ITGBL1: variants seen among roughly 807,000 people sequenced by gnomAD.
The protein encoded by ITGBL1 is integrin subunit beta like 1.
ITGBL1 carries 51 observed loss-of-function variants against 68.5 expected under a neutral mutation model. The ratio of observed to expected loss-of-function variants is 0.74; its 90% CI spans 0.59 to 0.94. The LOEUF is 0.94. Among genes scored for constraint, ITGBL1 ranks in the 40% least tolerant of loss-of-function variants. The probability of loss-of-function intolerance (pLI) is 0.00; values close to 1 mark genes in which losing one functional copy is unlikely to be tolerated. For missense variants in ITGBL1, 649 were observed against 647.4 expected (o/e 1.00, Z -0.03); for synonymous variants, 209 against 227.3 (o/e 0.92, Z 0.72).
intron 6 of ITGBL1, 57 bp from the exon 7 acceptor site, chr13:101,598,096 A>T: frequency 2.2e-5 from 30 of 1,379,722 alleles, no homozygotes; most frequent in Non-Finnish European, 2.8e-5. Flanking sequence ...ATGAAAACTA[A>T]TTCCAACTTC....
At chr13:101,485,777 G>A (rs560616210) in intron 2 of ITGBL1, among the ~76,000 whole-genome samples, 33 of 152,102 alleles carry the variant, frequency 2.2e-4, no homozygotes, top group African/African-American at 5.1e-4. Context: ...GGTCAACAGC[G>A]CGAGACTCTG....
chr13:101,632,181 C>A (rs775357821), intron 7 of ITGBL1, among the ~76,000 whole-genome samples: 3 of 151,538 alleles, frequency 2.0e-5, no homozygotes, highest in African/African-American at 7.3e-5. Context: ...ATAAGCTATA[C>A]CTAAAATATA....
intron 3 of ITGBL1, among the ~76,000 whole-genome samples, chr13:101,570,550 G>A (rs2050255624): frequency 6.6e-6 from 1 of 152,134 alleles, no homozygotes; most frequent in Admixed American, 6.6e-5. Context: ...GTAGATTGAA[G>A]CATAATACAA....
chr13:101,562,434 A>G (rs1174927203), intron 2 of ITGBL1, among the ~76,000 whole-genome samples: 1 of 152,026 alleles, frequency 6.6e-6, no homozygotes, highest in Non-Finnish European at 1.5e-5. Context: ...CGACTAATCT[A>G]TAAGAAATGA....
intron 3 of ITGBL1, among the ~76,000 whole-genome samples, chr13:101,572,047 T>A (rs1446955025): frequency 6.6e-6 from 1 of 152,156 alleles, no homozygotes; most frequent in Non-Finnish European, 1.5e-5. Flanking sequence ...AAAAGATACA[T>A]TTATATTCAG....
At position 101,457,735 on chromosome 13, in the gene ITGBL1, G is replaced by C. The variant is rs537243674; in HGVS notation, c.316+3635G>C. On this transcript the variant is annotated intron_variant, in intron 2 of 10. Coordinates refer to ENST00000376180, the MANE Select transcript of ITGBL1 (RefSeq NM_004791.3). ...GGAGGCTGAGGCAGGAGAATTGCTT[G>C]AACCCAGGAGGCAGAGGTTGCAGTG... 2.4e-4 allele frequency among the ~76,000 whole-genome samples: 36 copies of C among 152,252 alleles called. No individual in the cohort carries two copies. The East Asian group carries it at 6.8e-3, about 29-fold the overall frequency.
chr13:101,455,587 C>G (rs2048232536), intron 2 of ITGBL1, among the ~76,000 whole-genome samples: 1 of 152,136 alleles, frequency 6.6e-6, no homozygotes, highest in Non-Finnish European at 1.5e-5. Context: ...TTGCTTGAAC[C>G]TGGGAGGCAG....
intron 2 of ITGBL1, chr13:101,489,914 G>C (rs932563393): frequency 7.4e-7 from 1 of 1,354,352 alleles, no homozygotes; most frequent in Non-Finnish European, 1.0e-6. Context: ...ACGGTTGCTA[G>C]CTTTTAGAAC....
chr13:101,665,992 T>C (rs1396549538), intron 7 of ITGBL1, among the ~76,000 whole-genome samples: 5 of 152,170 alleles, frequency 3.3e-5, no homozygotes, highest in African/African-American at 4.8e-5. Flanking sequence ...AAATAACTTA[T>C]ATAACCTCCT....
chr13:101,651,733 G>A (rs925779803), intron 7 of ITGBL1, among the ~76,000 whole-genome samples: 1 of 151,434 alleles, frequency 6.6e-6, no homozygotes, highest in African/African-American at 2.4e-5. Flanking sequence ...TTTTCATCAT[G>A]AAATTTTTGC....
intron 2 of ITGBL1, among the ~76,000 whole-genome samples, chr13:101,508,307 A>T (rs1335557789): frequency 6.6e-6 from 1 of 152,212 alleles, no homozygotes. Context: ...CAAAAGTTGT[A>T]CATTTAGTTT....
intron 2 of ITGBL1, among the ~76,000 whole-genome samples, chr13:101,482,375 T>TA (rs2048638339): frequency 6.6e-6 from 1 of 151,862 alleles, no homozygotes; most frequent in South Asian, 2.1e-4. Context: ...AAATGATACT[T>TA]ATCTGCCTTG....
chr13:101,572,241 A>G (rs1450964202), intron 3 of ITGBL1, among the ~76,000 whole-genome samples: 1 of 151,924 alleles, frequency 6.6e-6, no homozygotes, highest in Non-Finnish European at 1.5e-5. Flanking sequence ...CTTCCCTTTC[A>G]TATCACAGTG....
At chr13:101,571,082 C>T (rs1481655357) in intron 3 of ITGBL1, among the ~76,000 whole-genome samples, 1 of 152,138 alleles carries the variant, frequency 6.6e-6, no homozygotes, top group African/African-American at 2.4e-5. Flanking sequence ...TACACCAGTG[C>T]ATCTAATTCC....
intron 7 of ITGBL1, among the ~76,000 whole-genome samples, chr13:101,647,514 G>A (rs2139444294): frequency 6.6e-6 from 1 of 152,278 alleles, no homozygotes; most frequent in Admixed American, 6.5e-5. Context: ...TGAAGGAATG[G>A]GAATGCCGTT....
intron 2 of ITGBL1, among the ~76,000 whole-genome samples, chr13:101,465,935 G>A (rs1440033175): frequency 6.6e-6 from 1 of 152,188 alleles, no homozygotes; most frequent in Non-Finnish European, 1.5e-5. Flanking sequence ...GTAGAGCGTA[G>A]AGGATAAAGA....
chr13:101,511,335 C>A (rs2049112253), intron 2 of ITGBL1, among the ~76,000 whole-genome samples: 1 of 152,090 alleles, frequency 6.6e-6, no homozygotes, highest in Non-Finnish European at 1.5e-5. Context: ...GTGGCACACA[C>A]CCCTAAGGAA....
chr13:101,716,698 A>T (rs1248978314), downstream of ITGBL1: 2 of 151,828 alleles, frequency 1.3e-5, no homozygotes, highest in East Asian at 1.9e-4. Context: ...TTCTAAGGAT[A>T]CCTTACTTAC....
intron 2 of ITGBL1, among the ~76,000 whole-genome samples, chr13:101,508,395 T>C (rs1048216656): frequency 3.3e-5 from 5 of 152,174 alleles, no homozygotes; most frequent in African/African-American, 1.2e-4. Context: ...ATCATTTCCA[T>C]AAGATAGACT....
Sources: allele counts gnomAD v4.1 joint callset (sites outside exome capture counted in the v4.1 genomes callset), GRCh38; gene constraint gnomAD v4.1.1; transcripts MANE v1.5; gene names NCBI Gene and HGNC (gene_info 2026-07-23, HGNC 2026-07-21).